Variants in FOXP1 observed in about 807,000 individuals in gnomAD.
FOXP1 encodes forkhead box protein P1.
A neutral mutation model predicts 98.2 loss-of-function variants in FOXP1; 15 were observed. That is an observed-to-expected ratio of 0.15 (90% confidence interval 0.10 to 0.24). FOXP1 has a LOEUF of 0.24. Ranked by LOEUF, FOXP1 falls within the 10% of genes least tolerant of loss-of-function variation. FOXP1 has a pLI of 1.00. For missense variants in FOXP1, 633 were observed against 848.5 expected (o/e 0.75, Z 3.15); for synonymous variants, 371 against 314.5 (o/e 1.18, Z -1.90).
intron 4 of FOXP1, chr3:71,335,103 A>C (rs2076587143): frequency 6.6e-6 from 1 of 152,052 alleles, no homozygotes; most frequent in Admixed American, 6.6e-5. Flanking sequence ...CTACAAAAAA[A>C]TTAAATTAAA....
At chr3:71,169,274 C>T (rs570747267) in intron 6 of FOXP1, among the ~76,000 whole-genome samples, 7 of 152,290 alleles carry the variant, frequency 4.6e-5, no homozygotes, top group East Asian at 3.9e-4. Context: ...TCTGCCCTAG[C>T]GTCTTCTAAA....
intron 6 of FOXP1, among the ~76,000 whole-genome samples, chr3:71,115,435 C>T (rs539470147): frequency 6.6e-6 from 1 of 151,964 alleles, no homozygotes; most frequent in South Asian, 2.1e-4. Context: ...CTCCCGGGTT[C>T]AAGCAATTCT....
At chr3:71,291,657 C>A (rs1257078746) in intron 5 of FOXP1, among the ~76,000 whole-genome samples, 1 of 151,978 alleles carries the variant, frequency 6.6e-6, no homozygotes, top group Non-Finnish European at 1.5e-5. Flanking sequence ...AAAATCCTTA[C>A]CACATGTGAC....
intron 3 of FOXP1, among the ~76,000 whole-genome samples, chr3:71,455,903 T>C (rs1282881452): frequency 1.3e-5 from 2 of 152,218 alleles, no homozygotes; most frequent in African/African-American, 2.4e-5. Flanking sequence ...ATAAACACCA[T>C]CATTCCACTT....
chr3:71,035,772 GA>G lies in FOXP1; in HGVS notation c.869+5555del, dbSNP rs112404482. Among the ~76,000 whole-genome samples, 750 of 145,148 alleles carry G rather than the reference GA, an allele frequency of 5.2e-3. 2 individuals carry two copies. Among genetic ancestry groups the G allele is most frequent in the Non-Finnish European group, 6.5e-3 (430 of 65,844 alleles). ...TACAAATTGTCCTCTGATTTTTGGG[GA>G]AAAAAAAAAACTGAAATGAGGAAAA... On this transcript the variant is annotated intron_variant, in intron 11 of 20. Transcript: ENST00000649528.
intron 4 of FOXP1, chr3:71,332,210 A>G (rs11710517): frequency 0.6 from 92,049 of 153,434 alleles, 29,166 homozygotes; most frequent in East Asian, 0.9. Context: ...TTCACTCCTG[A>G]AGCCAGCGAG....
At chr3:71,114,467 T>C (rs1202377617) in intron 6 of FOXP1, among the ~76,000 whole-genome samples, 1 of 152,188 alleles carries the variant, frequency 6.6e-6, no homozygotes, top group Admixed American at 6.5e-5. Flanking sequence ...AAATAATACT[T>C]TTAAGACACT....
intron 6 of FOXP1, among the ~76,000 whole-genome samples, chr3:71,173,865 C>T (rs1029054996): frequency 3.9e-5 from 6 of 152,114 alleles, no homozygotes; most frequent in African/African-American, 1.4e-4. Flanking sequence ...AGTTGGGAAA[C>T]CAACCATGGT....
intron 5 of FOXP1, 36 bp from the exon 6 acceptor site, chr3:71,198,428 G>GGGGGGGGGGGC: frequency 2.0e-6 from 1 of 497,708 alleles, no homozygotes; most frequent in South Asian, 1.5e-5. Flanking sequence ...GGGAGGGAGG[G>GGGGGGGGGGGC]GGGGAGAAAA....
rs1015876208 is a variant in FOXP1, at chr3:71,555,959, G to GA, written c.-298+25589dup. On this transcript the variant is annotated intron_variant, in intron 2 of 20. Coordinates refer to ENST00000649528, the MANE Select transcript of FOXP1 (RefSeq NM_001349338.3). ...GGAGGAGGAAGAGAAGGAAGAAAAGGAAAAAAAATTAAACAATTATAAGAA... is the reference window on the plus strand; with the variant it reads ...GGAGGAGGAAGAGAAGGAAGAAAAGGAAAAAAAAATTAAACAATTATAAGAA... Among the ~76,000 whole-genome samples, 7 of 151,302 alleles carry GA rather than the reference G, an allele frequency of 4.6e-5. No individual in the cohort carries two copies. In the South Asian group the frequency reaches 6.2e-4, roughly 14 times the overall value.
intron 7 of FOXP1, among the ~76,000 whole-genome samples, chr3:71,062,483 AAAG>A (rs1237618244): frequency 5.3e-5 from 8 of 152,328 alleles, no homozygotes; most frequent in African/African-American, 1.9e-4. Flanking sequence ...CCTTCCAGAG[AAAG>A]AAGAAAAAAA....
intron 6 of FOXP1, chr3:71,131,051 G>C (rs1472941649): frequency 2.9e-6 from 1 of 341,700 alleles, no homozygotes; most frequent in Non-Finnish European, 4.1e-6. Context: ...TGCTTTAAAA[G>C]AAAAAAAAAA....
intron 2 of FOXP1, among the ~76,000 whole-genome samples, chr3:71,517,194 A>C (rs563620366): frequency 2.0e-4 from 13 of 63,628 alleles, no homozygotes; most frequent in African/African-American, 5.3e-4. Flanking sequence ...GTGATCTATC[A>C]AAAAAAAAAA....
chr3:71,125,904 TG>T (rs1039150139), intron 6 of FOXP1, among the ~76,000 whole-genome samples: 2 of 152,204 alleles, frequency 1.3e-5, no homozygotes, highest in African/African-American at 4.8e-5. Context: ...CTGTGTGACC[TG>T]AGACAAGTTA....
At chr3:71,072,443 A>C (rs1426956168) in intron 7 of FOXP1, among the ~76,000 whole-genome samples, 1 of 152,206 alleles carries the variant, frequency 6.6e-6, no homozygotes, top group African/African-American at 2.4e-5. Flanking sequence ...TCAGGGAACA[A>C]CAACCAAAAA....
intron 2 of FOXP1, among the ~76,000 whole-genome samples, chr3:71,533,099 T>C (rs1313478712): frequency 6.6e-6 from 1 of 152,240 alleles, no homozygotes; most frequent in South Asian, 2.1e-4. Context: ...AGAACTCAAC[T>C]GCTACAAAAA....
At position 70,956,406 on chromosome 3, in the gene FOXP1, CTAATT is replaced by C. The variant is rs1325571241; in HGVS notation, c.*2836_*2840del. 2 of 213,934 alleles carry C rather than the reference CTAATT, an allele frequency of 9.3e-6. No individual in the cohort carries two copies. The highest frequency in any genetic ancestry group is 6.1e-5 in the Admixed American group (1 of 16,376). 13.3% of individuals were successfully genotyped at this position (213,934 alleles called of 1,614,324 possible). A position where few individuals can be genotyped will look rare whatever the true frequency, so the allele number is the denominator to read the frequency against. On this transcript the variant is annotated 3_prime_UTR_variant, in exon 21 of 21. Transcript: ENST00000649528. ...TGATACCTGCAAAGATATGTAAAAT[CTAATT>C]TTTCTTTTTTTTTTTTTTTTGCTAC... is the stretch of plus-strand genomic sequence containing the variant.
At chr3:71,067,866 T>C (rs2052725949) in intron 7 of FOXP1, among the ~76,000 whole-genome samples, 1 of 151,186 alleles carries the variant, frequency 6.6e-6, no homozygotes, top group South Asian at 2.1e-4. Flanking sequence ...CAGCAAGCTG[T>C]GATCGCACCA....
chr3:71,006,833 T>C (rs1048650019), intron 12 of FOXP1, among the ~76,000 whole-genome samples: 8 of 152,190 alleles, frequency 5.3e-5, no homozygotes, highest in African/African-American at 1.9e-4. Context: ...TTCCAATGTT[T>C]TCAAAGCCTA....
Sources: allele counts gnomAD v4.1 joint callset (sites outside exome capture counted in the v4.1 genomes callset), GRCh38; gene constraint gnomAD v4.1.1; transcripts MANE v1.5; gene names NCBI Gene and HGNC (gene_info 2026-07-23, HGNC 2026-07-21).